CASP9: variants seen among roughly 807,000 people sequenced by gnomAD.
The protein encoded by CASP9 is caspase-9.
A neutral mutation model predicts 43.5 loss-of-function variants in CASP9; 29 were observed. The ratio of observed to expected loss-of-function variants is 0.67; its 90% CI spans 0.50 to 0.91. CASP9 has a LOEUF of 0.91. Ranked by LOEUF, CASP9 falls within the 40% of genes least tolerant of loss-of-function variation. The pLI is 0.00. For synonymous variants in CASP9, 206 were observed against 211.9 expected (o/e 0.97, Z 0.24); for missense variants, 575 against 537.4 (o/e 1.07, Z -0.69).
chr1:15,515,673 C>A (rs1053279152), intron 2 of CASP9, among the ~76,000 whole-genome samples: 1 of 152,126 alleles, frequency 6.6e-6, no homozygotes. Context: ...CACTTTTTAC[C>A]CATCACACAG....
intron 6 of CASP9, among the ~76,000 whole-genome samples, chr1:15,503,829 G>C (rs190710184): frequency 5.9e-5 from 9 of 152,282 alleles, no homozygotes; most frequent in Admixed American, 4.6e-4. Flanking sequence ...CTAGGGCAGA[G>C]GGGACTCCCT....
intron 2 of CASP9, among the ~76,000 whole-genome samples, chr1:15,510,685 C>T (rs1179626898): frequency 1.3e-5 from 2 of 152,072 alleles, no homozygotes; most frequent in Admixed American, 6.5e-5. Context: ...GAGGCCCCGG[C>T]ATGAGCAAAG....
At chr1:15,506,693 C>T (rs1272213449) in intron 4 of CASP9, among the ~76,000 whole-genome samples, 1 of 152,196 alleles carries the variant, frequency 6.6e-6, no homozygotes, top group Non-Finnish European at 1.5e-5. Flanking sequence ...CAGGAGGTCA[C>T]ACAGCAGGTG....
Position 15,492,774 on chromosome 1 carries a change from G to A in CASP9, c.*169C>T, listed in dbSNP as rs1028164101. On this transcript the variant is annotated 3_prime_UTR_variant, in exon 9 of 9. Transcript: ENST00000333868. Reference sequence around the variant, plus strand: ...CTTCCTCCACTGTTCAGCACTTGTCGTCAATCTGGAAGCTGCTAAGAGCCT... The same window carrying A: ...CTTCCTCCACTGTTCAGCACTTGTCATCAATCTGGAAGCTGCTAAGAGCCT... 2.1e-5 allele frequency: 19 copies of A among 913,374 alleles called. No homozygotes were observed. The highest frequency in any genetic ancestry group is 5.2e-5 in the Admixed American group (2 of 38,364). 56.6% of individuals were successfully genotyped at this position (913,374 alleles called of 1,614,324 possible).
chr1:15,507,196 C>CTTTGTG, intron 3 of CASP9, 121 bp from the exon 4 acceptor site: 1 of 1,146,616 alleles, frequency 8.7e-7, no homozygotes, highest in Admixed American at 2.2e-5. Flanking sequence ...GGTCTCCACC[C>CTTTGTG]GGCATTCCAG....
upstream of CASP9, chr1:15,524,777 C>T: frequency 7.9e-6 from 8 of 1,010,024 alleles, no homozygotes; most frequent in Non-Finnish European, 9.5e-6. Context: ...CCGCCCACTC[C>T]CCGGGACGCA....
intron 2 of CASP9, among the ~76,000 whole-genome samples, chr1:15,517,604 C>T (rs1040315463): frequency 1.3e-5 from 2 of 152,056 alleles, no homozygotes; most frequent in Admixed American, 1.3e-4. Context: ...GTTTAATTTC[C>T]GTGAGCTTCA....
chr1:15,505,351 T>TCCA (rs1385040833), intron 5 of CASP9, among the ~76,000 whole-genome samples: 1 of 152,212 alleles, frequency 6.6e-6, no homozygotes, highest in Admixed American at 6.5e-5. Flanking sequence ...AGCCACAGGC[T>TCCA]GGAGTTTTAC....
chr1:15,523,726 T>A (rs1557558666), intron 1 of CASP9, among the ~76,000 whole-genome samples: 1 of 152,238 alleles, frequency 6.6e-6, no homozygotes, highest in Non-Finnish European at 1.5e-5. Context: ...TTATTTTGCT[T>A]CCACATTTTC....
Position 15,518,780 on chromosome 1 carries a change from T to C in CASP9, c.133-385A>G, listed in dbSNP as rs75506773. 1.1e-3 allele frequency among the ~76,000 whole-genome samples: 173 copies of C among 152,320 alleles called. 3 individuals are homozygous for C. The East Asian group carries it at 0.03, about 27-fold the overall frequency. On this transcript the variant is annotated intron_variant, in intron 1 of 8. Coordinates refer to ENST00000333868, the MANE Select transcript of CASP9 (RefSeq NM_001229.5). ...AGAGTCTTATGAGGTGGGAGGTAGA[T>C]AGTGGCAAGGGACAAGGCCTTTGTG...
At position 15,493,054 on chromosome 1, in the gene CASP9, G is replaced by A. The variant is rs1291163214; in HGVS notation, c.1159-19C>T. ...TAGCGACCTGTAAGACATGACCATG[G>A]AGAGCTCTGTGAGTTCAGTTCTCTG... On this transcript the variant is annotated intron_variant, in intron 8 of 8. Transcript: ENST00000333868. 4 of 1,613,546 alleles carry A rather than the reference G, an allele frequency of 2.5e-6. No homozygotes were observed. The highest frequency in any genetic ancestry group is 1.6e-4 in the Middle Eastern group (1 of 6,084).
rs534307204 is a variant in CASP9, at chr1:15,491,665, G to A, written c.*1278C>T. On this transcript the variant is annotated 3_prime_UTR_variant, in exon 9 of 9. Transcript: ENST00000333868. ...CCAAGCTACTCAGGTGGCTGAGGTGGAAGGATCTCTTGAGCCCAGGAGGTC... is the reference window on the plus strand; with the variant it reads ...CCAAGCTACTCAGGTGGCTGAGGTGAAAGGATCTCTTGAGCCCAGGAGGTC... 312 of 218,678 alleles carry A rather than the reference G, an allele frequency of 1.4e-3. No individual in the cohort carries two copies. The highest frequency in any genetic ancestry group is 2.4e-3 in the Non-Finnish European group (260 of 108,074). The allele number at this position is 218,678 out of a possible 1,614,324, so 13.5% of individuals were successfully genotyped here. A position where few individuals can be genotyped will look rare whatever the true frequency, so the allele number is the denominator to read the frequency against.
chr1:15,517,242 T>A (rs1709985821), intron 2 of CASP9, among the ~76,000 whole-genome samples: 1 of 152,026 alleles, frequency 6.6e-6, no homozygotes, highest in South Asian at 2.1e-4. Context: ...ATGTAGAAAT[T>A]AAAAAGAATG....
At chr1:15,521,154 C>T in intron 1 of CASP9, among the ~76,000 whole-genome samples, 1 of 86,938 alleles carries the variant, frequency 1.2e-5, no homozygotes, top group African/African-American at 5.4e-5. Context: ...GAGACTCCGT[C>T]TCAAAAAAAA....
In CASP9 at chr1:15,491,582, ACT is replaced by A. The variant is rs1708896895; in HGVS notation, c.*1359_*1360del. ...AGACCAGCCTGAGTAACATGGCATA[ACT>A]CTGTCTCTACTAAAAATACAAAAAT... is the stretch of plus-strand genomic sequence containing the variant. On this transcript the variant is annotated 3_prime_UTR_variant, in exon 9 of 9. Coordinates refer to ENST00000333868, the MANE Select transcript of CASP9 (RefSeq NM_001229.5). 12 of 418,218 alleles carry A rather than the reference ACT, an allele frequency of 2.9e-5. No homozygotes were observed. In the South Asian group the frequency reaches 3.4e-4, roughly 12 times the overall value. The allele number at this position is 418,218 out of a possible 1,614,324, so 25.9% of individuals were successfully genotyped here.
At chr1:15,517,920 T>C (rs923221951) in intron 2 of CASP9, among the ~76,000 whole-genome samples, 190 bp downstream of exon 2, 2 of 152,154 alleles carry the variant, frequency 1.3e-5, no homozygotes, top group Non-Finnish European at 2.9e-5. Context: ...CCTCAACACA[T>C]GCTTTTCAGA....
intron 1 of CASP9, among the ~76,000 whole-genome samples, chr1:15,519,579 C>T (rs1710098031): frequency 6.6e-6 from 1 of 152,036 alleles, no homozygotes; most frequent in South Asian, 2.1e-4. Context: ...TGAGCCATAG[C>T]CAGATCAGGA....
At chr1:15,506,294 C>CAA (rs35997775) in intron 4 of CASP9, among the ~76,000 whole-genome samples, 57 of 148,706 alleles carry the variant, frequency 3.8e-4, no homozygotes, top group Admixed American at 8.7e-4. Context: ...ACTAAAAATA[C>CAA]AAAAAAAAAA....
In CASP9 at chr1:15,491,580, T is replaced by C; in HGVS notation, c.*1363A>G. 1 of 422,066 alleles carries C rather than the reference T, an allele frequency of 2.4e-6. No homozygotes were observed. The highest frequency in any genetic ancestry group is 3.5e-5 in the Admixed American group (1 of 28,522). 26.1% of individuals were successfully genotyped at this position (422,066 alleles called of 1,614,324 possible). A position where few individuals can be genotyped will look rare whatever the true frequency, so the allele number is the denominator to read the frequency against. On this transcript the variant is annotated 3_prime_UTR_variant, in exon 9 of 9. Coordinates refer to ENST00000333868, the MANE Select transcript of CASP9 (RefSeq NM_001229.5). ...CAAGACCAGCCTGAGTAACATGGCA[T>C]AACTCTGTCTCTACTAAAAATACAA...
Sources: gnomAD v4.1 joint callset for allele counts (sites outside exome capture counted in the v4.1 genomes callset) on GRCh38, gnomAD v4.1.1 for gene constraint, MANE v1.5 for transcripts, NCBI Gene and HGNC (gene_info 2026-07-23, HGNC 2026-07-21) for gene names.